The following AK8 variants were observed in gnomAD, a reference collection of about 807,000 sequenced individuals.
The protein encoded by AK8 is ATP-AMP transphosphorylase 8.
AK8 carries 44 observed loss-of-function variants against 54.6 expected under a neutral mutation model. The ratio of observed to expected loss-of-function variants is 0.81; its 90% CI spans 0.63 to 1.04. The LOEUF is 1.04. Ranked by LOEUF, AK8 falls within the 50% of genes least tolerant of loss-of-function variation. The pLI is 0.00. For synonymous variants in AK8, 239 were observed against 245.6 expected (o/e 0.97, Z 0.25); for missense variants, 555 against 613.6 (o/e 0.90, Z 1.01).
intron 11 of AK8, among the ~76,000 whole-genome samples, chr9:132,757,248 C>T (rs1343603351): frequency 6.6e-6 from 1 of 152,176 alleles, no homozygotes; most frequent in African/African-American, 2.4e-5. Context: ...CCGGGATGGT[C>T]AGAGGGTTCC....
intron 4 of AK8, among the ~76,000 whole-genome samples, chr9:132,855,306 T>C (rs1455960734): frequency 1.3e-5 from 2 of 152,130 alleles, no homozygotes. Flanking sequence ...GAGAACTCTG[T>C]CACTGCACTA....
intron 11 of AK8, among the ~76,000 whole-genome samples, chr9:132,739,441 C>CAAAAAAAAAAAA (rs768297504): frequency 3.2e-5 from 1 of 31,170 alleles, no homozygotes; most frequent in Non-Finnish European, 5.3e-5. Flanking sequence ...GACTCTGTCT[C>CAAAAAAAAAAAA]AAAAAAAAAA....
chr9:132,827,104 G>A (rs1417019114), intron 7 of AK8, 50 bp from the exon 8 acceptor site: 5 of 1,579,146 alleles, frequency 3.2e-6, no homozygotes, highest in South Asian at 2.2e-5. Flanking sequence ...GGGGCCCTGT[G>A]GGCGCTGCTG....
At chr9:132,811,389 C>CAG (rs1289959604) in intron 10 of AK8, among the ~76,000 whole-genome samples, 3 of 151,856 alleles carry the variant, frequency 2.0e-5, no homozygotes, top group Admixed American at 6.6e-5. Context: ...AAGCAGAAGT[C>CAG]AGAGAGAGAG....
chr9:132,775,240 G>A (rs1174433482), intron 11 of AK8, among the ~76,000 whole-genome samples: 1 of 152,116 alleles, frequency 6.6e-6, no homozygotes, highest in Admixed American at 6.6e-5. Context: ...AATGTTAAGT[G>A]GTAAATAAAC....
rs147022583 is a variant in AK8, at chr9:132,792,655, C to T, written c.1100G>A (p.Arg367His). ...RDLDQAHLLN[R>H]LGYNPNRVFF... ...TCACCTGTTGGGATTGTAGCCCAGG[C>T]GGTTCAGCAGGTGTGCCTGGTCGAG... Residue 367 changes from arginine (R) to histidine (H), a missense_variant, in exon 11 of 13, where the codon CGC becomes CAC. Arg to His is a conservative substitution (Grantham distance 29, BLOSUM62 0). Coordinates refer to ENST00000298545, the MANE Select transcript of AK8 (RefSeq NM_152572.3). The T allele has an allele frequency of 1.9e-5, 30 of 1,553,926 alleles. No homozygotes were observed. Among genetic ancestry groups the T allele is most frequent in the African/African-American group, 1.8e-4 (13 of 73,302 alleles).
chr9:132,776,298 G>A (rs566480621), intron 11 of AK8, among the ~76,000 whole-genome samples: 1 of 152,302 alleles, frequency 6.6e-6, no homozygotes, highest in Admixed American at 6.5e-5. Flanking sequence ...ACTGCAGGCC[G>A]GATGACCCAG....
rs149722041 is a variant in AK8 at position 132,749,026 on chromosome 9, C to T, written c.1122-21492G>A. Among the ~76,000 whole-genome samples, 932 of 151,912 alleles carry T rather than the reference C, an allele frequency of 6.1e-3. 15 individuals carry two copies. Among genetic ancestry groups the T allele is most frequent in the African/African-American group, 0.021 (872 of 41,484 alleles). Reference sequence around the variant, plus strand: ...AGTAGCTGGGATTACAGGTACCTGCCACCAAGCCCGGCTAATTTTTGTATT... The same window carrying T: ...AGTAGCTGGGATTACAGGTACCTGCTACCAAGCCCGGCTAATTTTTGTATT... On this transcript the variant is annotated intron_variant, in intron 11 of 12. Transcript: ENST00000298545.
chr9:132,859,684 T>G (rs1409616131), intron 4 of AK8, among the ~76,000 whole-genome samples: 1 of 148,898 alleles, frequency 6.7e-6, no homozygotes, highest in Non-Finnish European at 1.5e-5. Context: ...CTTCCTCACC[T>G]GAGCCTTTTT....
At chr9:132,832,431 C>T (rs1237032210) in intron 5 of AK8, among the ~76,000 whole-genome samples, 5 of 152,220 alleles carry the variant, frequency 3.3e-5, no homozygotes, top group Non-Finnish European at 5.9e-5. Context: ...CAGCGTCTGA[C>T]AGCTCCCTCA....
chr9:132,840,814 A>AC (rs1316786970), intron 5 of AK8, among the ~76,000 whole-genome samples: 1 of 152,074 alleles, frequency 6.6e-6, no homozygotes, highest in Non-Finnish European at 1.5e-5. Context: ...AATCACTTGA[A>AC]CCCAGGAGGC....
At chr9:132,877,823 G>T (rs1346737896) in intron 1 of AK8, 1 of 545,368 alleles carries the variant, frequency 1.8e-6, no homozygotes, top group South Asian at 1.5e-5. Flanking sequence ...GCCCCTGGGA[G>T]ACCACCTCTT....
At chr9:132,843,824 G>C (rs1183172023) in intron 5 of AK8, among the ~76,000 whole-genome samples, 2 of 152,164 alleles carry the variant, frequency 1.3e-5, no homozygotes. Context: ...GGGGACTTTG[G>C]TGCCTTTGGA....
At chr9:132,738,606 T>A (rs940604143) in intron 11 of AK8, among the ~76,000 whole-genome samples, 1 of 152,116 alleles carries the variant, frequency 6.6e-6, no homozygotes, top group Non-Finnish European at 1.5e-5. Flanking sequence ...CTAGCTAGAC[T>A]GGGATGGGAG....
intron 4 of AK8, among the ~76,000 whole-genome samples, chr9:132,863,290 C>A (rs1225125359): frequency 6.6e-6 from 1 of 152,236 alleles, no homozygotes; most frequent in Non-Finnish European, 1.5e-5. Context: ...GCTGGCGCAG[C>A]CCAACCCTGC....
At chr9:132,838,611 A>T (rs1842418848) in intron 5 of AK8, among the ~76,000 whole-genome samples, 1 of 152,234 alleles carries the variant, frequency 6.6e-6, no homozygotes, top group East Asian at 1.9e-4. Context: ...GCAGAAGCAG[A>T]CATTTTGAAC....
At chr9:132,827,706 G>T in intron 7 of AK8, 2 of 393,508 alleles carry the variant, frequency 5.1e-6, no homozygotes, top group Non-Finnish European at 9.2e-6. Context: ...CCCAGGGAGA[G>T]GCAGACATGT....
chr9:132,878,734 G>C (rs970105922), upstream of AK8: 31 of 986,814 alleles, frequency 3.1e-5, no homozygotes, highest in Non-Finnish European at 3.7e-5. This position sits in a 1 kb window ranked among gnomAD's most constrained non-coding sequence, Gnocchi z 4.7. Flanking sequence ...GAGGTTCGAG[G>C]ATCGGGTGGA....
chr9:132,753,025 A>G (rs900900590), intron 11 of AK8, among the ~76,000 whole-genome samples: 1 of 152,168 alleles, frequency 6.6e-6, no homozygotes, highest in African/African-American at 2.4e-5. Context: ...AGCCTACAAT[A>G]AATACTTCTG....
Sources: gnomAD v4.1 joint callset for allele counts (sites outside exome capture counted in the v4.1 genomes callset) on GRCh38, gnomAD v4.1.1 for gene constraint, Gnocchi (gnomAD v3.1) non-coding constraint, MANE v1.5 for transcripts, NCBI Gene and HGNC (gene_info 2026-07-23, HGNC 2026-07-21) for gene names.